The following IDE variants were observed in gnomAD, a reference collection of about 807,000 sequenced individuals.
IDE encodes insulin-degrading enzyme.
A neutral mutation model predicts 133.2 loss-of-function variants in IDE; 58 were observed. The observed-to-expected ratio is 0.44, with a 90% CI of 0.35 to 0.54. The LOEUF (loss-of-function observed/expected upper bound fraction) is 0.54. Among genes scored for constraint, IDE ranks in the 20% least tolerant of loss-of-function variants. IDE has a pLI of 0.00. For synonymous variants in IDE, 396 were observed against 421.3 expected (o/e 0.94, Z 0.73); for missense variants, 981 against 1,234.0 (o/e 0.79, Z 3.07).
intron 11 of IDE, 47 bp from the exon 12 acceptor site, chr10:92,490,642 T>A (rs1265828449): frequency 9.1e-7 from 1 of 1,100,808 alleles, no homozygotes. Context: ...ACTCATACTG[T>A]ATATATGAAT....
chr10:92,566,326 A>G (rs936720209), intron 1 of IDE, among the ~76,000 whole-genome samples: 2 of 151,992 alleles, frequency 1.3e-5, no homozygotes, highest in African/African-American at 4.8e-5. Flanking sequence ...AGAGAGGTCA[A>G]GGCTGCAGTG....
chr10:92,485,974 A>C (rs1846969738), intron 13 of IDE, among the ~76,000 whole-genome samples: 1 of 151,964 alleles, frequency 6.6e-6, no homozygotes, highest in African/African-American at 2.4e-5. Context: ...AAGATAAGAT[A>C]AACAATACAT....
In IDE at chr10:92,490,554, C is replaced by A. The variant is rs140884087; in HGVS notation, c.1472G>T (p.Arg491Leu). 1 of 1,612,834 alleles carries A rather than the reference C, an allele frequency of 6.2e-7. No homozygotes were observed. Among genetic ancestry groups the A allele is most frequent in the Non-Finnish European group, 8.5e-7 (1 of 1,179,016 alleles). ...VSKSFEGKTD[R>L]TEEWYGTQYK... ...CTGGGTTCCATACCACTCTTCTGTG[C>A]GATCAGTTTTTCCTTCAAAAGATTT... Residue 491 changes from arginine (R) to leucine (L), a missense_variant, in exon 12 of 25, where the codon CGC becomes CTC. Arg to Leu is a moderately radical substitution (Grantham distance 102). Around this residue, in one of 2 missense-constraint regions of IDE, gnomAD observed 660 missense variants for 894.7 expected, o/e 0.74. Coordinates refer to ENST00000265986, the MANE Select transcript of IDE (RefSeq NM_004969.4).
intron 1 of IDE, among the ~76,000 whole-genome samples, chr10:92,538,290 T>C (rs892911617): frequency 1.3e-5 from 2 of 152,214 alleles, no homozygotes; most frequent in African/African-American, 4.8e-5. Context: ...CTGATGATAT[T>C]GAAAGATAGG....
At chr10:92,560,994 T>C (rs1048832453) in intron 1 of IDE, among the ~76,000 whole-genome samples, 1 of 152,124 alleles carries the variant, frequency 6.6e-6, no homozygotes, top group African/African-American at 2.4e-5. Flanking sequence ...GGCTCACACC[T>C]GTAATCCCAG....
chr10:92,484,110 C>T (rs1434892716), intron 13 of IDE, among the ~76,000 whole-genome samples: 2 of 152,102 alleles, frequency 1.3e-5, no homozygotes, highest in Non-Finnish European at 2.9e-5. Flanking sequence ...ATTCCTGACC[C>T]TCCTCAGAAA....
At chr10:92,514,512 T>A (rs1183779309) in intron 5 of IDE, among the ~76,000 whole-genome samples, 1 of 152,028 alleles carries the variant, frequency 6.6e-6, no homozygotes, top group Non-Finnish European at 1.5e-5. Flanking sequence ...GATCACAGCC[T>A]TTAACTGCAG....
intron 12 of IDE, among the ~76,000 whole-genome samples, chr10:92,488,515 C>T (rs1425843467): frequency 2.0e-5 from 3 of 152,100 alleles, no homozygotes; most frequent in Non-Finnish European, 4.4e-5. Context: ...CGGTGGCTCA[C>T]GCCTGTAATC....
At chr10:92,467,264 A>G (rs913479741) in intron 19 of IDE, among the ~76,000 whole-genome samples, 1 of 152,022 alleles carries the variant, frequency 6.6e-6, no homozygotes, top group Non-Finnish European at 1.5e-5. Flanking sequence ...TTTTGTAGAA[A>G]CAAGTTCTAT....
chr10:92,534,866 A>T, intron 2 of IDE, 81 bp from the exon 3 acceptor site: 1 of 973,348 alleles, frequency 1.0e-6, no homozygotes, highest in Non-Finnish European at 1.6e-6. Flanking sequence ...AGTTCTTGTT[A>T]GCATGACAAC....
chr10:92,573,857 CA>C (rs1372820973), intron 1 of IDE, 64 bp downstream of exon 1: 2 of 1,156,274 alleles, frequency 1.7e-6, no homozygotes, highest in African/African-American at 1.7e-5. Flanking sequence ...CACCACTTTG[CA>C]ACCCGAGCGC....
chr10:92,529,427 G>A (rs925643372), intron 4 of IDE, among the ~76,000 whole-genome samples: 10 of 152,116 alleles, frequency 6.6e-5, no homozygotes, highest in African/African-American at 2.4e-4. Context: ...TGGCTCACTT[G>A]TTTCTCAGCT....
chr10:92,491,274 C>T (rs1847325708), intron 11 of IDE, among the ~76,000 whole-genome samples: 1 of 151,410 alleles, frequency 6.6e-6, no homozygotes, highest in Admixed American at 6.6e-5. Flanking sequence ...AAAAAAAGTA[C>T]TCCTTCCTAG....
intron 1 of IDE, among the ~76,000 whole-genome samples, chr10:92,566,443 T>C (rs996673044): frequency 4.8e-5 from 7 of 146,602 alleles, no homozygotes; most frequent in Non-Finnish European, 7.5e-5. Context: ...ACACACAACA[T>C]AGGCAAAGCT....
Position 92,470,241 on chromosome 10 carries a change from C to T in IDE, c.2208+13G>A. 6.4e-7 allele frequency: 1 copy of T among 1,574,236 alleles called. No homozygotes were observed. The highest frequency in any genetic ancestry group is 8.7e-7 in the Non-Finnish European group (1 of 1,155,552). On this transcript the variant is annotated intron_variant, in intron 18 of 24. Transcript: ENST00000265986. ...ATGATCCACAAAAGATTGCTAAAAC[C>T]TCAACCACCCACCTGCTTTGTTATG...
chr10:92,510,136 C>T lies in IDE; in HGVS notation c.811G>A (p.Val271Met). The change falls in exon 6 of 25, where the codon GTG (valine) becomes ATG (methionine). Residue 271 changes from valine to methionine, a missense_variant. Transcript: ENST00000265986. Reference protein sequence around the residue: ...RESLDDLTNLVVKLFSEVENK... With the variant: ...RESLDDLTNLMVKLFSEVENK... Reference sequence around the variant, plus strand: ...TCTACTTCAGAAAATAACTTTACCACCAGATTAGTCAAGTCATCTAAAGAT... The same window carrying T: ...TCTACTTCAGAAAATAACTTTACCATCAGATTAGTCAAGTCATCTAAAGAT... 1 of 1,588,362 alleles carries T rather than the reference C, an allele frequency of 6.3e-7. No individual in the cohort carries two copies. The highest frequency in any genetic ancestry group is 8.6e-7 in the Non-Finnish European group (1 of 1,159,196).
At chr10:92,560,923 C>G (rs1451465476) in intron 1 of IDE, among the ~76,000 whole-genome samples, 1 of 152,104 alleles carries the variant, frequency 6.6e-6, no homozygotes, top group Non-Finnish European at 1.5e-5. Flanking sequence ...TCCATCCTCA[C>G]CTGGGTTCTA....
intron 1 of IDE, among the ~76,000 whole-genome samples, chr10:92,548,526 A>T (rs1375000035): frequency 6.6e-6 from 1 of 152,140 alleles, no homozygotes. Context: ...TTCCTGGTAC[A>T]CAGTAGTCAT....
intron 20 of IDE, 151 bp from the exon 21 acceptor site, chr10:92,464,154 T>A: frequency 1.3e-6 from 1 of 744,822 alleles, no homozygotes; most frequent in Non-Finnish European, 2.2e-6. Flanking sequence ...CTTAAGATGG[T>A]TTCAGTTCCT....
Sources: gnomAD v4.1 joint callset for allele counts (sites outside exome capture counted in the v4.1 genomes callset) on GRCh38, gnomAD v4.1.1 for gene constraint, gnomAD v4.1.1 regional missense constraint, MANE v1.5 for transcripts, NCBI Gene and HGNC (gene_info 2026-07-23, HGNC 2026-07-21) for gene names.